TTC21A: variants seen among roughly 807,000 people sequenced by gnomAD.
TTC21A encodes tetratricopeptide repeat domain 21A, also known as tetratricopeptide repeat protein 21A.
In TTC21A, 128 loss-of-function variants were observed where a neutral mutation model predicts 156.4. The observed-to-expected ratio is 0.82, with a 90% CI of 0.71 to 0.95. The LOEUF (loss-of-function observed/expected upper bound fraction) is 0.95, where lower values mean the gene tolerates loss of function less well. Ranked by LOEUF, TTC21A falls within the 40% of genes least tolerant of loss-of-function variation. TTC21A has a pLI of 0.00. For missense variants in TTC21A, 1,435 were observed against 1,602.3 expected (o/e 0.90, Z 1.78); for synonymous variants, 587 against 617.1 (o/e 0.95, Z 0.72).
chr3:39,117,319 C>T (rs1243542706), intron 6 of TTC21A, among the ~76,000 whole-genome samples: 3 of 152,070 alleles, frequency 2.0e-5, no homozygotes, highest in Admixed American at 6.5e-5. Flanking sequence ...CTAATCATGT[C>T]GGAATTTAGT....
At chr3:39,112,055 A>T (rs1374079352) in intron 4 of TTC21A, among the ~76,000 whole-genome samples, 2 of 152,194 alleles carry the variant, frequency 1.3e-5, no homozygotes, top group Non-Finnish European at 2.9e-5. Flanking sequence ...TGGAGACATC[A>T]AGAGTGGCCT....
intron 9 of TTC21A, among the ~76,000 whole-genome samples, chr3:39,122,681 C>A (rs1325400387): frequency 2.0e-5 from 3 of 152,286 alleles, no homozygotes; most frequent in African/African-American, 7.2e-5. Flanking sequence ...GGGAGAGGAG[C>A]ACTGCTCTGG....
At chr3:39,126,160 T>G in intron 11 of TTC21A, 101 bp from the exon 12 acceptor site, 2 of 1,457,412 alleles carry the variant, frequency 1.4e-6, no homozygotes, top group Non-Finnish European at 1.9e-6. Flanking sequence ...AAGTGTGGAA[T>G]GAAGCAAAAT....
chr3:39,135,054 A>G (rs1272419656), intron 21 of TTC21A, 39 bp from the exon 22 acceptor site: 1 of 1,428,626 alleles, frequency 7.0e-7, no homozygotes, highest in African/African-American at 1.5e-5. Context: ...GCAAGCTGCC[A>G]CTGTTGGGAA....
chr3:39,128,367 G>A lies in TTC21A; in HGVS notation c.1559G>A (p.Cys520Tyr), dbSNP rs2038434717. The A allele has an allele frequency of 6.2e-7, 1 of 1,614,184 alleles. No individual in the cohort carries two copies. Among genetic ancestry groups the A allele is most frequent in the Non-Finnish European group, 8.5e-7 (1 of 1,180,032 alleles). The change falls in exon 13 of 29, where the codon TGC (cysteine) becomes TAC (tyrosine). Residue 520 changes from cysteine to tyrosine, a missense_variant. Physicochemically the swap from Cys to Tyr is radical, Grantham distance 194 (BLOSUM62 -2). Coordinates refer to ENST00000683103, the MANE Select transcript of TTC21A (RefSeq NM_001366900.1). ...AATGCCCAGAGCATCCTGCAGCGTT[G>A]CCTGGAGCTGGACCCCGCCTCCGTG... ...LENAQSILQR[C>Y]LELDPASVDA...
intron 4 of TTC21A, among the ~76,000 whole-genome samples, chr3:39,111,397 G>C (rs1376629893): frequency 6.6e-6 from 1 of 152,190 alleles, no homozygotes; most frequent in Non-Finnish European, 1.5e-5. Flanking sequence ...ATTTTTTGTA[G>C]AGACTGGGTC....
chr3:39,133,707 T>A (rs182865826), intron 20 of TTC21A, among the ~76,000 whole-genome samples: 28 of 152,296 alleles, frequency 1.8e-4, no homozygotes, highest in Admixed American at 7.8e-4. Context: ...TAGTGACCGA[T>A]ACATTCATTC....
intron 13 of TTC21A, 97 bp from the exon 14 acceptor site, chr3:39,128,620 T>C: frequency 6.4e-7 from 1 of 1,557,704 alleles, no homozygotes; most frequent in Non-Finnish European, 8.8e-7. Context: ...AGGGGTAGGC[T>C]CAGTGGGCTC....
At chr3:39,129,581 G>A (rs2038566429) in intron 15 of TTC21A, among the ~76,000 whole-genome samples, 1 of 152,204 alleles carries the variant, frequency 6.6e-6, no homozygotes, top group Admixed American at 6.5e-5. Context: ...TGTAGGCCTG[G>A]TTCTCAGAGC....
rs986080943 is a variant in TTC21A at position 39,128,944 on chromosome 3, C to T, written c.1896+12C>T. On this transcript the variant is annotated intron_variant, in intron 14 of 28. Coordinates refer to ENST00000683103, the MANE Select transcript of TTC21A (RefSeq NM_001366900.1). ...TGAATGGGGAGCTAGTAAGAAATGCCGTGCTCTCTTCCCTGGGGACTGGGG... is the reference window on the plus strand; with the variant it reads ...TGAATGGGGAGCTAGTAAGAAATGCTGTGCTCTCTTCCCTGGGGACTGGGG... 1.4e-5 allele frequency: 22 copies of T among 1,613,810 alleles called. No individual in the cohort carries two copies. The highest frequency in any genetic ancestry group is 1.6e-4 in the Middle Eastern group (1 of 6,084).
chr3:39,138,855 G>C lies in TTC21A; in HGVS notation c.*67G>C, dbSNP rs753803651. ...CTGAAGTTGTGTGGAGGGATGGAAA[G>C]TGGGTCAGTGGAGAAGGGATTCAGA... On this transcript the variant is annotated 3_prime_UTR_variant, in exon 29 of 29. Transcript: ENST00000683103. 1.1e-4 allele frequency: 150 copies of C among 1,343,584 alleles called. No homozygotes were observed. Among genetic ancestry groups the C allele is most frequent in the Non-Finnish European group, 1.3e-4 (127 of 948,324 alleles). The allele number at this position is 1,343,584 out of a possible 1,614,324, so 83.2% of individuals were successfully genotyped here. A position where few individuals can be genotyped will look rare whatever the true frequency, so the allele number is the denominator to read the frequency against.
chr3:39,119,681 A>T, intron 7 of TTC21A: 1 of 368,202 alleles, frequency 2.7e-6, no homozygotes, highest in Non-Finnish European at 4.9e-6. Context: ...TCAAGAACAG[A>T]GGGGCAGTGC....
intron 12 of TTC21A, among the ~76,000 whole-genome samples, chr3:39,127,559 T>G (rs1249779183): frequency 6.6e-6 from 1 of 152,140 alleles, no homozygotes; most frequent in Non-Finnish European, 1.5e-5. Context: ...GCAGGGAGCT[T>G]GGGACCCAGA....
At chr3:39,123,174 A>G (rs919218285) in intron 9 of TTC21A, among the ~76,000 whole-genome samples, 4 of 152,218 alleles carry the variant, frequency 2.6e-5, no homozygotes, top group African/African-American at 7.2e-5. Flanking sequence ...GGAACAAAAA[A>G]GAGTTGCCAA....
In TTC21A at chr3:39,136,386, G is replaced by A. The variant is rs375053924; in HGVS notation, c.2974G>A (p.Asp992Asn). ...TTTTTTGGTATTGCATAAATTAATC[G>A]ATCTGCTAAGAAGAAGTGGAAAACT... ...DNFLVLHKLI[D>N]LLRRSGKLED... The change falls in exon 23 of 29, where the codon GAT (aspartate) becomes AAT (asparagine). Residue 992 changes from aspartate to asparagine, a missense_variant. Transcript: ENST00000683103. 24 of 1,613,296 alleles carry A rather than the reference G, an allele frequency of 1.5e-5. No individual in the cohort carries two copies. Among genetic ancestry groups the A allele is most frequent in the South Asian group, 6.6e-5 (6 of 90,910 alleles).
At chr3:39,126,127 A>C in intron 11 of TTC21A, 134 bp from the exon 12 acceptor site, 1 of 1,106,972 alleles carries the variant, frequency 9.0e-7, no homozygotes, top group African/African-American at 1.6e-5. Context: ...TCTAAGCACT[A>C]GGTGATACAG....
At chr3:39,110,008 C>T (rs780476972) in intron 2 of TTC21A, 21 bp from the exon 3 acceptor site, 1 of 1,578,026 alleles carries the variant, frequency 6.3e-7, no homozygotes, top group South Asian at 1.1e-5. Context: ...GAGAGTATAA[C>T]TATGTGGACT....
chr3:39,120,517 T>G (rs529034731), intron 8 of TTC21A, among the ~76,000 whole-genome samples: 1 of 152,332 alleles, frequency 6.6e-6, no homozygotes, highest in East Asian at 1.9e-4. Flanking sequence ...AAGCAAGATT[T>G]ACTAGAAGTA....
At chr3:39,110,602 C>G (rs901300240) in intron 3 of TTC21A, among the ~76,000 whole-genome samples, 5 of 152,228 alleles carry the variant, frequency 3.3e-5, no homozygotes, top group Non-Finnish European at 5.9e-5. Flanking sequence ...CTGCTGGGCA[C>G]AGAGAAGAGA....
Sources: allele counts gnomAD v4.1 joint callset (sites outside exome capture counted in the v4.1 genomes callset), GRCh38; gene constraint gnomAD v4.1.1; transcripts MANE v1.5; gene names NCBI Gene and HGNC (gene_info 2026-07-23, HGNC 2026-07-21).